KCNQ3: variants seen among roughly 807,000 people sequenced by gnomAD.
KCNQ3 encodes potassium voltage-gated channel subfamily KQT member 3.
A neutral mutation model predicts 92.5 loss-of-function variants in KCNQ3; 30 were observed. The ratio of observed to expected loss-of-function variants is 0.32; its 90% CI spans 0.24 to 0.44. The LOEUF is 0.44. Among genes scored for constraint, KCNQ3 ranks in the 20% least tolerant of loss-of-function variants. The probability of loss-of-function intolerance (pLI) is 1.00; values close to 1 mark genes in which losing one functional copy is unlikely to be tolerated. For missense variants in KCNQ3, 913 were observed against 1,140.3 expected, an observed-to-expected ratio of 0.80 and a Z score of 2.87; for synonymous variants, 450 against 468.8, an observed-to-expected ratio of 0.96 and a Z score of 0.52.
chr8:132,130,084 G>GC lies in KCNQ3; in HGVS notation c.1885-89_1885-88insG, dbSNP rs1554621533. ...TTGGGAGGAAATATTCTTTTTTTTT[G>GC]TTTTTTTTTTTTTTTTGAGACGAAG... On this transcript the variant is annotated intron_variant, in intron 14 of 14. Coordinates refer to ENST00000388996, the MANE Select transcript of KCNQ3 (RefSeq NM_004519.4). 63 of 1,141,504 alleles carry GC rather than the reference G, an allele frequency of 5.5e-5. 1 individual carries two copies. The highest frequency in any genetic ancestry group is 4.5e-4 in the East Asian group (17 of 37,814). 70.7% of individuals were successfully genotyped at this position (1,141,504 alleles called of 1,614,324 possible). A position where few individuals can be genotyped will look rare whatever the true frequency, so the allele number is the denominator to read the frequency against.
At chr8:132,454,941 T>G (rs1336173498) in intron 1 of KCNQ3, among the ~76,000 whole-genome samples, 2 of 152,184 alleles carry the variant, frequency 1.3e-5, no homozygotes, top group Non-Finnish European at 2.9e-5. Context: ...TATTCTATGA[T>G]TCCATTCATA....
chr8:132,480,157 G>C lies in KCNQ3; in HGVS notation c.376C>G (p.His126Asp). 6.2e-7 allele frequency: 1 copy of C among 1,611,872 alleles called. No individual in the cohort carries two copies. ...CGGCCGGGTACTCACACCAACGCGT[G>C]GTAAAGCAGCGCCCAGCCCCGCGGT... The part of the protein sequence containing the change: ...ERPRGWALLY[H>D]ALVFLIVLGC... The change falls in exon 1 of 15, where the codon CAC becomes GAC. Residue 126 changes from histidine to aspartate, a missense_variant. His to Asp is a moderately conservative substitution (Grantham distance 81). This residue lies in a region of KCNQ3 where 100 missense variants were observed against 217.6 expected (regional missense o/e 0.46). Coordinates refer to ENST00000388996, the MANE Select transcript of KCNQ3 (RefSeq NM_004519.4).
chr8:132,275,514 T>G (rs888663029), intron 1 of KCNQ3, among the ~76,000 whole-genome samples: 2 of 151,938 alleles, frequency 1.3e-5, no homozygotes, highest in Non-Finnish European at 2.9e-5. Context: ...GAGGGTCATT[T>G]GCCCCACCCT....
chr8:132,288,847 A>G (rs577361825), intron 1 of KCNQ3, among the ~76,000 whole-genome samples: 1 of 152,308 alleles, frequency 6.6e-6, no homozygotes, highest in South Asian at 2.1e-4. Flanking sequence ...TGTCCAGGAC[A>G]TCTCAACAGC....
rs1262840613 is a variant in KCNQ3, at chr8:132,480,612, C to A, written c.-80G>T. On this transcript the variant is annotated 5_prime_UTR_variant, in exon 1 of 15. Transcript: ENST00000388996. The stretch of plus-strand genomic sequence containing the variant: ...GGGCGCTCGGGGTGCGTGAACGAGG[C>A]GGCGGCGGCGGCTGCAAGCCCGGGA... 4.3e-6 allele frequency: 5 copies of A among 1,159,296 alleles called. No homozygotes were observed. Among genetic ancestry groups the A allele is most frequent in the African/African-American group, 3.3e-5 (2 of 60,960 alleles). 71.8% of individuals were successfully genotyped at this position (1,159,296 alleles called of 1,614,324 possible). A position where few individuals can be genotyped will look rare whatever the true frequency, so the allele number is the denominator to read the frequency against.
intron 1 of KCNQ3, among the ~76,000 whole-genome samples, chr8:132,404,910 C>T (rs1007307163): frequency 3.9e-5 from 6 of 152,108 alleles, no homozygotes; most frequent in East Asian, 1.9e-4. Flanking sequence ...ATTTTCTGTG[C>T]GACAGCTTCA....
chr8:132,299,691 C>T (rs1051253958), intron 1 of KCNQ3, among the ~76,000 whole-genome samples: 2 of 152,176 alleles, frequency 1.3e-5, no homozygotes, highest in African/African-American at 4.8e-5. Context: ...ATGACATGCC[C>T]TGGTTTTGGA....
At chr8:132,441,431 G>A (rs889366215) in intron 1 of KCNQ3, among the ~76,000 whole-genome samples, 1 of 152,120 alleles carries the variant, frequency 6.6e-6, no homozygotes, top group Non-Finnish European at 1.5e-5. Flanking sequence ...GCAGGCACCT[G>A]TAGTCCCAGC....
At chr8:132,454,775 G>A (rs1458929810) in intron 1 of KCNQ3, among the ~76,000 whole-genome samples, 1 of 152,050 alleles carries the variant, frequency 6.6e-6, no homozygotes, top group African/African-American at 2.4e-5. Context: ...GCCAAAAGGT[G>A]GAAATGAAGA....
At chr8:132,145,686 G>A (rs1177197489) in intron 9 of KCNQ3, among the ~76,000 whole-genome samples, 1 of 152,208 alleles carries the variant, frequency 6.6e-6, no homozygotes, top group Non-Finnish European at 1.5e-5. Flanking sequence ...CATATAATAA[G>A]TAAACAGACA....
intron 14 of KCNQ3, 89 bp downstream of exon 14, chr8:132,132,091 A>T: frequency 1.0e-6 from 1 of 979,376 alleles, no homozygotes; most frequent in South Asian, 1.4e-5. Context: ...TCGTCTTAAA[A>T]AAAAAAAAGA....
intron 1 of KCNQ3, among the ~76,000 whole-genome samples, chr8:132,429,179 G>C (rs951024227): frequency 3.3e-5 from 5 of 152,202 alleles, no homozygotes; most frequent in Non-Finnish European, 7.3e-5. Flanking sequence ...ATGCAAGTTT[G>C]TCAACCACTA....
chr8:132,479,439 G>A (rs1822491412), intron 1 of KCNQ3, among the ~76,000 whole-genome samples: 1 of 151,896 alleles, frequency 6.6e-6, no homozygotes, highest in East Asian at 1.9e-4. Flanking sequence ...AAGAGTCCCC[G>A]GCCCCCTCAC....
intron 1 of KCNQ3, among the ~76,000 whole-genome samples, chr8:132,333,603 A>G (rs1257520500): frequency 6.6e-6 from 1 of 152,164 alleles, no homozygotes; most frequent in Non-Finnish European, 1.5e-5. Flanking sequence ...TAAATTTTTG[A>G]CCTATGGATT....
intron 1 of KCNQ3, among the ~76,000 whole-genome samples, chr8:132,330,497 G>T (rs948984067): frequency 6.6e-6 from 1 of 152,078 alleles, no homozygotes; most frequent in Non-Finnish European, 1.5e-5. Flanking sequence ...CCTTCCTCTC[G>T]ACACCAGCCC....
intron 1 of KCNQ3, among the ~76,000 whole-genome samples, chr8:132,477,350 T>TA (rs5895143): frequency 3.8e-4 from 55 of 143,716 alleles, no homozygotes; most frequent in Admixed American, 9.0e-4. Flanking sequence ...CATTTTAATT[T>TA]AAAAAAAAAA....
At chr8:132,408,841 C>G (rs184863181) in intron 1 of KCNQ3, among the ~76,000 whole-genome samples, 3 of 152,132 alleles carry the variant, frequency 2.0e-5, no homozygotes, top group African/African-American at 7.2e-5. Flanking sequence ...AACAAGGCCT[C>G]GGTCCTACAA....
chr8:132,181,482 T>C (rs62519591), intron 3 of KCNQ3, among the ~76,000 whole-genome samples: 7,805 of 152,284 alleles, frequency 0.051, 316 homozygotes, highest in Non-Finnish European at 0.074. Context: ...ATATACACTG[T>C]GGTTCTCAAC....
chr8:132,453,218 G>C (rs994872032), intron 1 of KCNQ3, among the ~76,000 whole-genome samples: 1 of 152,186 alleles, frequency 6.6e-6, no homozygotes, highest in Non-Finnish European at 1.5e-5. Context: ...GCAAGGGCTG[G>C]ATCATCTGGG....
Sources: gnomAD v4.1 joint callset for allele counts (sites outside exome capture counted in the v4.1 genomes callset) on GRCh38, gnomAD v4.1.1 for gene constraint, gnomAD v4.1.1 regional missense constraint, MANE v1.5 for transcripts, NCBI Gene and HGNC (gene_info 2026-07-23, HGNC 2026-07-21) for gene names.